The following UBD variants were observed in gnomAD, a reference collection of about 807,000 sequenced individuals.
UBD encodes ubiquitin like modifier D.
Under a neutral mutation model 2.3 loss-of-function variants are expected in UBD, and 1 was observed. The observed-to-expected ratio is 0.43, with a 90% CI of 0.15 to 2.06. UBD has a LOEUF of 2.06. Ranked by LOEUF, UBD falls within the 30% of genes most tolerant of loss-of-function variation. The pLI is 0.29. For missense variants in UBD, 175 were observed against 199.3 expected (o/e 0.88, Z 0.73); for synonymous variants, 75 against 76.5 (o/e 0.98, Z 0.10).
chr6:29,558,658 C>T (rs1215116031), intron 1 of UBD, among the ~76,000 whole-genome samples: 5 of 152,200 alleles, frequency 3.3e-5, no homozygotes, highest in South Asian at 2.1e-4. Context: ...GCAGGGTGTC[C>T]GCTGTGCTTC....
rs1762478467 is a variant in UBD at position 29,555,805 on chromosome 6, A to C, written c.*75T>G. The C allele has an allele frequency of 1.6e-6, 2 of 1,212,500 alleles. No homozygotes were observed. Among genetic ancestry groups the C allele is most frequent in the Admixed American group, 2.0e-5 (1 of 50,346 alleles). The allele number at this position is 1,212,500 out of a possible 1,614,324, so 75.1% of individuals were successfully genotyped here. Reference sequence around the variant, plus strand: ...CTCATTAATTTTGGGAAATCATCAGAAGATGTGTTCGTTGAGTAAGAGATT... The same window carrying C: ...CTCATTAATTTTGGGAAATCATCAGCAGATGTGTTCGTTGAGTAAGAGATT... On this transcript the variant is annotated 3_prime_UTR_variant, in exon 2 of 2. Transcript: ENST00000377050.
chr6:29,556,410 T>C, intron 1 of UBD, 60 bp from the exon 2 acceptor site: 4 of 1,288,720 alleles, frequency 3.1e-6, no homozygotes, highest in Non-Finnish European at 3.3e-6. Context: ...ACACTTCTAC[T>C]CCCCACCACA....
rs8337 is a variant in UBD, at chr6:29,555,899, C to G, written c.479G>C (p.Cys160Ser). ...IRKGNLLFLA[C>S]YCIGG The stretch of plus-strand genomic sequence containing the variant: ...GGGTGGTCACCCTCCAATACAATAA[C>G]ATGCCAGGAAGAGTAAGTTGCCCTT... Residue 160 changes from cysteine (C) to serine (S), a missense_variant, in exon 2 of 2, where the codon TGT (cysteine) becomes TCT (serine). Physicochemically the swap from Cys to Ser is moderately radical, Grantham distance 112. Transcript: ENST00000377050. The G allele has an allele frequency of 0.76, 1,225,801 of 1,612,538 alleles. 470,465 individuals are homozygous for G. The highest frequency in any genetic ancestry group is 0.95 in the African/African-American group (71,200 of 74,998).
chr6:29,555,992 G>A lies in UBD; in HGVS notation c.386C>T (p.Thr129Ile), dbSNP rs1222632380. The A allele has an allele frequency of 6.2e-7, 1 of 1,613,040 alleles. No individual in the cohort carries two copies. Among genetic ancestry groups the A allele is most frequent in the Admixed American group, 1.7e-5 (1 of 60,018 alleles). Residue 129 changes from threonine (T) to isoleucine (I), a missense_variant, in exon 2 of 2, where the codon ACC (threonine) becomes ATC (isoleucine). Physicochemically the swap from Thr to Ile is moderately conservative, Grantham distance 89. Transcript: ENST00000377050. ...IETKTGIIPE[T>I]QIVTCNGKRL... Reference sequence around the variant, plus strand: ...CTTTCCATTGCAAGTCACAATCTGGGTCTCAGGGATTATACCCGTCTTAGT... The same window carrying A: ...CTTTCCATTGCAAGTCACAATCTGGATCTCAGGGATTATACCCGTCTTAGT...
At chr6:29,559,525 G>T in intron 1 of UBD, 150 bp downstream of exon 1, 1 of 711,280 alleles carries the variant, frequency 1.4e-6, no homozygotes, top group Non-Finnish European at 2.4e-6. Flanking sequence ...TTCCCATTCT[G>T]CAAATGTCAA....
At position 29,555,942 on chromosome 6, in the gene UBD, C is replaced by A. The variant is rs1762487445; in HGVS notation, c.436G>T (p.Ala146Ser). Residue 146 changes from alanine to serine, a missense_variant, in exon 2 of 2, where the codon GCA becomes TCA. By Grantham distance (99) the Ala-to-Ser change is moderately conservative. Transcript: ENST00000377050. ...GKRLEDGKMM[A>S]DYGIRKGNLL... ...TTGCCCTTTCTGATGCCGTAATCTG[C>A]CATCATCTTCCCATCTTCCAGTCTC... The A allele has an allele frequency of 6.2e-7, 1 of 1,613,064 alleles. No individual in the cohort carries two copies. Among genetic ancestry groups the A allele is most frequent in the Non-Finnish European group, 8.5e-7 (1 of 1,180,038 alleles).
Position 29,556,049 on chromosome 6 carries a change from C to T in UBD, c.329G>A (p.Ser110Asn). ...KRHLLQVRRSSSVAQVKAMIE... is the reference protein window; with the variant it reads ...KRHLLQVRRSNSVAQVKAMIE... Reference sequence around the variant, plus strand: ...CATTGCTTTCACTTGTGCCACTGAGCTGGACCTTCGCACCTGGAGGAGGTG... The same window carrying T: ...CATTGCTTTCACTTGTGCCACTGAGTTGGACCTTCGCACCTGGAGGAGGTG... The change falls in exon 2 of 2, where the codon AGC becomes AAC. Residue 110 changes from serine to asparagine, a missense_variant. By Grantham distance (46) the Ser-to-Asn change is conservative. Transcript: ENST00000377050. 3.1e-6 allele frequency: 5 copies of T among 1,613,152 alleles called. No individual in the cohort carries two copies. The highest frequency in any genetic ancestry group is 4.2e-6 in the Non-Finnish European group (5 of 1,180,040).
chr6:29,555,922 C>A lies in UBD; in HGVS notation c.456G>T (p.Lys152Asn), dbSNP rs575636863. The A allele has an allele frequency of 1.1e-5, 17 of 1,613,068 alleles. No homozygotes were observed. The East Asian group carries it at 3.8e-4, about 36-fold the overall frequency. ...GKMMADYGIR[K>N]GNLLFLACYC... ...AACATGCCAGGAAGAGTAAGTTGCC[C>A]TTTCTGATGCCGTAATCTGCCATCA... Residue 152 changes from lysine to asparagine, a missense_variant, in exon 2 of 2, where the codon AAG (lysine) becomes AAT (asparagine). By Grantham distance (94) the Lys-to-Asn change is moderately conservative. Coordinates refer to ENST00000377050, the MANE Select transcript of UBD (RefSeq NM_006398.4).
In UBD at chr6:29,559,658, A is replaced by G. The variant is rs755503114; in HGVS notation, c.27+17T>C. ...TGCTTTTCCTTTCCCCATCCCCTTTATCAAATCCCAACTTACACAGAGGCA... is the reference window on the plus strand; with the variant it reads ...TGCTTTTCCTTTCCCCATCCCCTTTGTCAAATCCCAACTTACACAGAGGCA... On this transcript the variant is annotated intron_variant, in intron 1 of 1. Coordinates refer to ENST00000377050, the MANE Select transcript of UBD (RefSeq NM_006398.4). 6.2e-7 allele frequency: 1 copy of G among 1,612,720 alleles called. No individual in the cohort carries two copies. The highest frequency in any genetic ancestry group is 1.7e-5 in the Admixed American group (1 of 59,990).
chr6:29,556,039 T>C lies in UBD; in HGVS notation c.339A>G (p.Ala113=). ...TAGTCTCGATCATTGCTTTCACTTG[T>C]GCCACTGAGCTGGACCTTCGCACCT... is the stretch of plus-strand genomic sequence containing the variant. The part of the protein sequence containing the change: ...LLQVRRSSSV[A]QVKAMIETKT... The change falls in exon 2 of 2, where the codon GCA becomes GCG. Residue 113 remains alanine (A), a synonymous_variant. Transcript: ENST00000377050. 6.2e-7 allele frequency: 1 copy of C among 1,613,128 alleles called. No homozygotes were observed. Among genetic ancestry groups the C allele is most frequent in the Non-Finnish European group, 8.5e-7 (1 of 1,180,046 alleles).
chr6:29,556,095 A>G lies in UBD; in HGVS notation c.283T>C (p.Ser95Pro), dbSNP rs2076486. The G allele has an allele frequency of 0.057, 91,809 of 1,612,714 alleles. 10,439 individuals carry two copies. Among genetic ancestry groups the G allele is most frequent in the African/African-American group, 0.45 (33,628 of 74,860 alleles). Residue 95 changes from serine to proline, a missense_variant, in exon 2 of 2, where the codon TCA (serine) becomes CCA (proline). Coordinates refer to ENST00000377050, the MANE Select transcript of UBD (RefSeq NM_006398.4). Reference protein sequence around the residue: ...DEELPLFLVESGDEAKRHLLQ... With the variant: ...DEELPLFLVEPGDEAKRHLLQ... ...AGGTGCCTCTTTGCCTCATCACCTGACTCCACAAGAAACAAGGGCAGCTCC... is the reference window on the plus strand; with the variant it reads ...AGGTGCCTCTTTGCCTCATCACCTGGCTCCACAAGAAACAAGGGCAGCTCC...
chr6:29,558,585 C>T (rs1328715325), intron 1 of UBD, among the ~76,000 whole-genome samples: 1 of 152,192 alleles, frequency 6.6e-6, no homozygotes, highest in African/African-American at 2.4e-5. Flanking sequence ...CTTTCGCTTG[C>T]CATCCACCAC....
chr6:29,559,605 T>C, intron 1 of UBD, 70 bp downstream of exon 1: 1 of 1,577,704 alleles, frequency 6.3e-7, no homozygotes, highest in Non-Finnish European at 8.7e-7. Context: ...AGCCCCCGTT[T>C]CTAAGATCTC....
In UBD at chr6:29,556,178, C is replaced by T. The variant is rs946613290; in HGVS notation, c.200G>A (p.Gly67Asp). The stretch of plus-strand genomic sequence containing the variant: ...GTGGATGGTCTTCTCTTTGTCAATG[C>T]CATAAGATGAGAGGCTTCTCCGTGG... The part of the protein sequence containing the change: ...LKPRRSLSSY[G>D]IDKEKTIHLT... Residue 67 changes from glycine to aspartate, a missense_variant, in exon 2 of 2, where the codon GGC (glycine) becomes GAC (aspartate). Transcript: ENST00000377050. The T allele has an allele frequency of 6.2e-7, 1 of 1,613,050 alleles. No individual in the cohort carries two copies. The highest frequency in any genetic ancestry group is 1.3e-5 in the African/African-American group (1 of 75,036).
At chr6:29,556,455 C>A in intron 1 of UBD, 105 bp from the exon 2 acceptor site, 2 of 775,410 alleles carry the variant, frequency 2.6e-6, no homozygotes, top group South Asian at 3.6e-5. Flanking sequence ...ATCTGGTCCT[C>A]TAGCTCCTAT....
chr6:29,556,474 C>G, intron 1 of UBD, 124 bp from the exon 2 acceptor site: 2 of 639,544 alleles, frequency 3.1e-6, no homozygotes, highest in South Asian at 4.2e-5. Context: ...ATTCAGTAGC[C>G]AGTGTCCCTC....
Position 29,559,025 on chromosome 6 carries a change from G to T in UBD, c.27+650C>A, listed in dbSNP as rs142023643. ...ATGTGATCTCCTTTGATAAGACTAG[G>T]GCCTCACTCACAGAAGGTAGGGACT... On this transcript the variant is annotated intron_variant, in intron 1 of 1. Transcript: ENST00000377050. Among the ~76,000 whole-genome samples, 986 of 152,260 alleles carry T rather than the reference G, an allele frequency of 6.5e-3. 9 individuals are homozygous for T. The highest frequency in any genetic ancestry group is 0.01 in the Middle Eastern group (3 of 294).
At chr6:29,559,111 T>A (rs1304017473) in intron 1 of UBD, among the ~76,000 whole-genome samples, 1 of 152,230 alleles carries the variant, frequency 6.6e-6, no homozygotes, top group African/African-American at 2.4e-5. Context: ...TCACCCCTAA[T>A]GGCCACTTGA....
Position 29,555,828 on chromosome 6 carries a change from A to G in UBD, c.*52T>C. On this transcript the variant is annotated 3_prime_UTR_variant, in exon 2 of 2. Transcript: ENST00000377050. The stretch of plus-strand genomic sequence containing the variant: ...AGAAGATGTGTTCGTTGAGTAAGAG[A>G]TTAAAAGAAATAAGCTTTTTGACCC... 7.0e-7 allele frequency: 1 copy of G among 1,425,918 alleles called. No individual in the cohort carries two copies. Among genetic ancestry groups the G allele is most frequent in the Non-Finnish European group, 9.8e-7 (1 of 1,024,978 alleles). 88.3% of individuals were successfully genotyped at this position (1,425,918 alleles called of 1,614,324 possible). A position where few individuals can be genotyped will look rare whatever the true frequency, so the allele number is the denominator to read the frequency against.
Sources: allele counts gnomAD v4.1 joint callset (sites outside exome capture counted in the v4.1 genomes callset), GRCh38; gene constraint gnomAD v4.1.1; transcripts MANE v1.5; gene names NCBI Gene and HGNC (gene_info 2026-07-23, HGNC 2026-07-21).